SLCO4C1: variants seen among roughly 807,000 people sequenced by gnomAD.
The protein encoded by SLCO4C1 is solute carrier organic anion transporter family member 4C1.
A neutral mutation model predicts 72.1 loss-of-function variants in SLCO4C1; 58 were observed. The observed-to-expected ratio is 0.80, with a 90% CI of 0.65 to 1.00. SLCO4C1 has a LOEUF of 1.00. SLCO4C1 is among the 50% of genes least tolerant of loss of function. SLCO4C1 has a pLI of 0.00. For missense variants in SLCO4C1, 898 were observed against 857.9 expected (o/e 1.05, Z -0.58); for synonymous variants, 297 against 312.5 (o/e 0.95, Z 0.52).
chr5:102,258,699 G>A (rs1329252529), intron 6 of SLCO4C1, among the ~76,000 whole-genome samples: 1 of 151,778 alleles, frequency 6.6e-6, no homozygotes, highest in Non-Finnish European at 1.5e-5. Flanking sequence ...CCAAATTATA[G>A]TTCTCAAATA....
intron 9 of SLCO4C1, 100 bp downstream of exon 9, chr5:102,249,538 C>T (rs1162437062): frequency 1.1e-5 from 14 of 1,246,222 alleles, no homozygotes; most frequent in Non-Finnish European, 1.5e-5. Context: ...GGCAATGGAG[C>T]AGGAAGGCAA....
intron 8 of SLCO4C1, among the ~76,000 whole-genome samples, chr5:102,255,217 A>C (rs1396168009): frequency 1.3e-5 from 2 of 152,168 alleles, no homozygotes; most frequent in African/African-American, 4.8e-5. Flanking sequence ...CCAGATCTTA[A>C]TATATCTTAA....
At chr5:102,255,506 A>G (rs909331417) in intron 8 of SLCO4C1, among the ~76,000 whole-genome samples, 25 of 152,278 alleles carry the variant, frequency 1.6e-4, no homozygotes, top group African/African-American at 6.0e-4. Flanking sequence ...ACCTCTACCT[A>G]CCTTTCAACA....
chr5:102,265,232 G>A (rs1300416670), intron 3 of SLCO4C1, among the ~76,000 whole-genome samples: 1 of 152,112 alleles, frequency 6.6e-6, no homozygotes, highest in East Asian at 1.9e-4. Flanking sequence ...TTTGTTGGAT[G>A]AACAGTCTGC....
chr5:102,291,698 C>CT (rs1300175956), intron 1 of SLCO4C1, 92 bp from the exon 2 acceptor site: 10,311 of 989,700 alleles, frequency 0.01, 3 homozygotes, highest in South Asian at 0.014. Flanking sequence ...TTATTCATTT[C>CT]TTTTTTTTCT....
At chr5:102,291,698 C>A in intron 1 of SLCO4C1, 92 bp from the exon 2 acceptor site, 5 of 1,009,862 alleles carry the variant, frequency 5.0e-6, no homozygotes, top group East Asian at 3.2e-5. Context: ...TTATTCATTT[C>A]TTTTTTTTCT....
At chr5:102,262,899 T>C (rs543269112) in intron 4 of SLCO4C1, among the ~76,000 whole-genome samples, 1 of 152,292 alleles carries the variant, frequency 6.6e-6, no homozygotes, top group Admixed American at 6.5e-5. Flanking sequence ...ATCACATACC[T>C]ATGACCACAT....
chr5:102,278,804 G>A (rs1417496447), intron 2 of SLCO4C1, among the ~76,000 whole-genome samples: 1 of 151,734 alleles, frequency 6.6e-6, no homozygotes. Flanking sequence ...AAGTAAAAAT[G>A]AAAACACAAT....
At chr5:102,270,247 A>G (rs1749124241) in intron 3 of SLCO4C1, among the ~76,000 whole-genome samples, 1 of 152,120 alleles carries the variant, frequency 6.6e-6, no homozygotes, top group Non-Finnish European at 1.5e-5. Context: ...GTAAGTCAAT[A>G]TAGGATGTCA....
intron 6 of SLCO4C1, 93 bp downstream of exon 6, chr5:102,260,120 A>C: frequency 3.5e-6 from 1 of 287,962 alleles, no homozygotes; most frequent in Non-Finnish European, 6.4e-6. Flanking sequence ...ATAATATATA[A>C]ACACATCTAC....
At chr5:102,283,557 C>T (rs925871729) in intron 2 of SLCO4C1, among the ~76,000 whole-genome samples, 6 of 150,754 alleles carry the variant, frequency 4.0e-5, no homozygotes, top group African/African-American at 1.5e-4. Context: ...TTATTTCCTG[C>T]CACAAACCAC....
chr5:102,265,416 C>A (rs920176765), intron 3 of SLCO4C1, among the ~76,000 whole-genome samples: 10 of 152,076 alleles, frequency 6.6e-5, no homozygotes, highest in Non-Finnish European at 1.5e-4. Flanking sequence ...TAAAGTGTTT[C>A]CCCTATGTTT....
At chr5:102,281,719 C>T (rs1255079406) in intron 2 of SLCO4C1, among the ~76,000 whole-genome samples, 1 of 152,028 alleles carries the variant, frequency 6.6e-6, no homozygotes, top group Admixed American at 6.6e-5. Context: ...TAAAACACAA[C>T]GAGATTTCAC....
rs1462173640 is a variant in SLCO4C1, at chr5:102,234,140, T to C, written c.*2718A>G. On this transcript the variant is annotated 3_prime_UTR_variant, in exon 13 of 13. Coordinates refer to ENST00000310954, the MANE Select transcript of SLCO4C1 (RefSeq NM_180991.5). ...GCATACAGTTCTTTCCATGTGTAAGTTTTACATTTGTATTTTCTACAATTA... is the reference window on the plus strand; with the variant it reads ...GCATACAGTTCTTTCCATGTGTAAGCTTTACATTTGTATTTTCTACAATTA... 3 of 152,486 alleles carry C rather than the reference T, an allele frequency of 2.0e-5. No homozygotes were observed. The highest frequency in any genetic ancestry group is 4.4e-5 in the Non-Finnish European group (3 of 68,008). 9.4% of individuals were successfully genotyped at this position (152,486 alleles called of 1,614,324 possible).
intron 5 of SLCO4C1, 93 bp downstream of exon 5, chr5:102,261,818 AG>A (rs1405100237): frequency 1.6e-6 from 2 of 1,259,130 alleles, no homozygotes; most frequent in Non-Finnish European, 2.1e-6. Flanking sequence ...TAAAAGAAAC[AG>A]GGTGAATCTA....
rs202120876 is a variant in SLCO4C1, at chr5:102,240,727, G to T, written c.1867C>A (p.Arg623=). 7.5e-6 allele frequency: 12 copies of T among 1,610,124 alleles called. No individual in the cohort carries two copies. In the African/African-American group the frequency reaches 1.2e-4, roughly 16 times the overall value. The change falls in exon 11 of 13, where the codon CGA becomes AGA. Residue 623 remains arginine (R), a synonymous_variant. Coordinates refer to ENST00000310954, the MANE Select transcript of SLCO4C1 (RefSeq NM_180991.5). The part of the protein sequence containing the change: ...LALGIQFMVL[R]LLGTIPGPII... Reference sequence around the variant, plus strand: ...AAGAAAAATGGCATACCTAATAATCGAAGGACCATAAATTGTATTCCCAAG... The same window carrying T: ...AAGAAAAATGGCATACCTAATAATCTAAGGACCATAAATTGTATTCCCAAG...
chr5:102,295,923 A>G lies in SLCO4C1; in HGVS notation c.340T>C (p.Leu114=). 1.9e-6 allele frequency: 3 copies of G among 1,613,500 alleles called. No individual in the cohort carries two copies. In the South Asian group the frequency reaches 3.3e-5, roughly 18 times the overall value. Residue 114 remains leucine, a synonymous_variant, in exon 1 of 13, where the codon TTG becomes CTG. Transcript: ENST00000310954. ...PGGFLLHYCL[L]AVTQGIVVNG... ...TGGACTTTACCTTGCGTGACGGCCA[A>G]GAGGCAGTAGTGAAGCAGAAAGCCT...
intron 12 of SLCO4C1, 65 bp from the exon 13 acceptor site, chr5:102,237,083 A>G: frequency 7.0e-7 from 1 of 1,419,374 alleles, no homozygotes; most frequent in East Asian, 2.5e-5. Flanking sequence ...TATCACTGAG[A>G]AAAATCTTCA....
Position 102,295,404 on chromosome 5 carries a change from T to G in SLCO4C1, c.355+504A>C, listed in dbSNP as rs566719568. 2.6e-5 allele frequency among the ~76,000 whole-genome samples: 4 copies of G among 152,308 alleles called. No individual in the cohort carries two copies. In the South Asian group the frequency reaches 6.2e-4, roughly 24 times the overall value. ...ACTAAATACACTCACAAAACATGAA[T>G]GTCTGTATCTAATTTATACGATAGA... is the stretch of plus-strand genomic sequence containing the variant. On this transcript the variant is annotated intron_variant, in intron 1 of 12. Coordinates refer to ENST00000310954, the MANE Select transcript of SLCO4C1 (RefSeq NM_180991.5).
Sources: gnomAD v4.1 joint callset for allele counts (sites outside exome capture counted in the v4.1 genomes callset) on GRCh38, gnomAD v4.1.1 for gene constraint, MANE v1.5 for transcripts, NCBI Gene and HGNC (gene_info 2026-07-23, HGNC 2026-07-21) for gene names.